Variants in CDH18 observed in about 807,000 individuals in gnomAD.
The protein encoded by CDH18 is cadherin 18, also known as cadherin-18.
Under a neutral mutation model 67.9 loss-of-function variants are expected in CDH18, and 31 were observed. The ratio of observed to expected loss-of-function variants is 0.46; its 90% CI spans 0.34 to 0.62. CDH18 has a LOEUF of 0.62. Ranked by LOEUF, CDH18 falls within the 20% of genes least tolerant of loss-of-function variation. CDH18 has a pLI of 0.01. For missense variants in CDH18, 890 were observed against 975.5 expected, an observed-to-expected ratio of 0.91 and a Z score of 1.17; for synonymous variants, 362 against 347.2, an observed-to-expected ratio of 1.04 and a Z score of -0.48.
At chr5:20,036,242 T>C (rs550736141) in intron 2 of CDH18, among the ~76,000 whole-genome samples, 3 of 152,112 alleles carry the variant, frequency 2.0e-5, no homozygotes, top group East Asian at 3.9e-4. Flanking sequence ...AGACTGGAAC[T>C]AGGAGGTGAT....
intron 2 of CDH18, among the ~76,000 whole-genome samples, chr5:19,972,561 A>T (rs1457567933): frequency 8.8e-6 from 1 of 114,066 alleles, no homozygotes; most frequent in Non-Finnish European, 1.8e-5. Context: ...CTGTAGTTTT[A>T]AAGATTAAAA....
At chr5:20,394,273 T>A (rs1369845836) in intron 1 of CDH18, among the ~76,000 whole-genome samples, 5 of 152,014 alleles carry the variant, frequency 3.3e-5, no homozygotes, top group African/African-American at 4.8e-5. Flanking sequence ...ACAACCAATT[T>A]GTCTTCACCA....
chr5:19,745,878 A>G (rs1167700891), intron 4 of CDH18, among the ~76,000 whole-genome samples: 2 of 152,054 alleles, frequency 1.3e-5, no homozygotes, highest in Non-Finnish European at 2.9e-5. Flanking sequence ...GAGTTGAGAG[A>G]AAAGATGCTA....
intron 8 of CDH18, among the ~76,000 whole-genome samples, chr5:19,554,163 C>T (rs1202480627): frequency 1.3e-5 from 2 of 152,202 alleles, no homozygotes; most frequent in East Asian, 1.9e-4. Context: ...TAGATATTTG[C>T]GGATACTTTT....
intron 1 of CDH18, among the ~76,000 whole-genome samples, chr5:19,984,130 T>C (rs1252092626): frequency 2.0e-5 from 3 of 152,074 alleles, no homozygotes; most frequent in African/African-American, 7.2e-5. Context: ...TATTATGAAA[T>C]TGTATTTATT....
At chr5:20,417,110 G>A (rs920924838) in intron 1 of CDH18, among the ~76,000 whole-genome samples, 1 of 152,038 alleles carries the variant, frequency 6.6e-6, no homozygotes, top group Non-Finnish European at 1.5e-5. Flanking sequence ...TAGTTAAGTG[G>A]CTAGCCTGAA....
At chr5:19,748,862 G>A (rs1450371658) in intron 3 of CDH18, among the ~76,000 whole-genome samples, 1 of 152,036 alleles carries the variant, frequency 6.6e-6, no homozygotes, top group African/African-American at 2.4e-5. Flanking sequence ...TTGAAAGCAT[G>A]TAAAAAATTA....
chr5:20,335,797 G>T (rs1739670975), intron 1 of CDH18, among the ~76,000 whole-genome samples: 1 of 152,052 alleles, frequency 6.6e-6, no homozygotes, highest in Non-Finnish European at 1.5e-5. Context: ...CATGCACCAG[G>T]CAACTGAAAA....
chr5:19,802,208 A>C (rs901511814), intron 3 of CDH18, among the ~76,000 whole-genome samples: 1 of 152,128 alleles, frequency 6.6e-6, no homozygotes, highest in African/African-American at 2.4e-5. Context: ...AATACTATAA[A>C]TGTGTTTAAT....
At chr5:19,661,531 A>G (rs1561562639) in intron 5 of CDH18, among the ~76,000 whole-genome samples, 1 of 152,004 alleles carries the variant, frequency 6.6e-6, no homozygotes, top group Non-Finnish European at 1.5e-5. Context: ...GAGAGGGTAT[A>G]TGCAAACAAA....
At chr5:20,056,336 T>G (rs1441960419) in intron 2 of CDH18, among the ~76,000 whole-genome samples, 1 of 145,914 alleles carries the variant, frequency 6.9e-6, no homozygotes, top group Non-Finnish European at 1.5e-5. Context: ...TTCCACATTT[T>G]CAAAAAAAAA....
chr5:19,659,060 A>G (rs1424281658), intron 5 of CDH18, among the ~76,000 whole-genome samples: 1 of 152,140 alleles, frequency 6.6e-6, no homozygotes, highest in African/African-American at 2.4e-5. Context: ...CAAAAACCCA[A>G]ACACTGAATG....
intron 2 of CDH18, among the ~76,000 whole-genome samples, chr5:20,001,524 T>C (rs957459376): frequency 6.6e-6 from 1 of 152,096 alleles, no homozygotes; most frequent in Non-Finnish European, 1.5e-5. Context: ...AAGAGAACAG[T>C]GTCTCTGAAG....
At chr5:19,609,339 T>C (rs1411555192) in intron 6 of CDH18, among the ~76,000 whole-genome samples, 1 of 151,882 alleles carries the variant, frequency 6.6e-6, no homozygotes, top group Non-Finnish European at 1.5e-5. Context: ...AGCCCAGAGG[T>C]AGGCATCAAT....
intron 2 of CDH18, among the ~76,000 whole-genome samples, chr5:19,872,707 G>A (rs1457421767): frequency 6.6e-6 from 1 of 152,190 alleles, no homozygotes; most frequent in African/African-American, 2.4e-5. Context: ...AGTTAAGTCA[G>A]CTAAGTCAGT....
chr5:19,935,667 CTTTG>C (rs372944662), intron 2 of CDH18, among the ~76,000 whole-genome samples: 141 of 149,618 alleles, frequency 9.4e-4, no homozygotes, highest in African/African-American at 3.4e-3. Flanking sequence ...AATGTATCTT[CTTTG>C]TTAAGTGATT....
At chr5:19,515,467 TC>T (rs1745832107) in intron 10 of CDH18, among the ~76,000 whole-genome samples, 2 of 152,240 alleles carry the variant, frequency 1.3e-5, no homozygotes, top group African/African-American at 2.4e-5. Flanking sequence ...TATTGATTCT[TC>T]CTATCCATGA....
intron 2 of CDH18, among the ~76,000 whole-genome samples, chr5:20,160,043 A>C (rs2126607512): frequency 6.6e-6 from 1 of 152,306 alleles, no homozygotes; most frequent in African/African-American, 2.4e-5. Context: ...ATAATAGAAA[A>C]ATTTTGTCTC....
chr5:19,837,542 A>G (rs1231299217), intron 3 of CDH18, among the ~76,000 whole-genome samples: 4 of 152,198 alleles, frequency 2.6e-5, no homozygotes, highest in African/African-American at 9.6e-5. Context: ...AAAGCATACA[A>G]TGAAGATAGT....
Sources: allele counts gnomAD v4.1 joint callset (sites outside exome capture counted in the v4.1 genomes callset), GRCh38; gene constraint gnomAD v4.1.1; transcripts MANE v1.5; gene names NCBI Gene and HGNC (gene_info 2026-07-23, HGNC 2026-07-21).